RNLS: variants seen among roughly 807,000 people sequenced by gnomAD.
RNLS encodes renalase.
RNLS carries 39 observed loss-of-function variants against 39.8 expected under a neutral mutation model. The ratio of observed to expected loss-of-function variants is 0.98; its 90% CI spans 0.76 to 1.28. The LOEUF is 1.28. RNLS is among the 50% of genes most tolerant of loss of function. RNLS has a pLI of 0.00. For synonymous variants in RNLS, 147 were observed against 150.7 expected, an observed-to-expected ratio of 0.98 and a Z score of 0.18; for missense variants, 410 against 413.3, an observed-to-expected ratio of 0.99 and a Z score of 0.07.
At chr10:88,266,128 T>A in the RNLS span, among the ~76,000 whole-genome samples, 3,401 of 152,264 alleles carry the variant, frequency 0.022, 135 homozygotes, top group African/African-American at 0.078. Context: ...TTCTGAGTGC[T>A]TTTTTACCAG....
intron 5 of RNLS, among the ~76,000 whole-genome samples, chr10:88,361,638 T>A (rs1589648936): frequency 6.6e-6 from 1 of 152,198 alleles, no homozygotes; most frequent in Admixed American, 6.5e-5. Context: ...TCTAAGATCA[T>A]GAGCTCTGAT....
At position 88,509,524 on chromosome 10, in the gene RNLS, G is replaced by C. The variant is rs773672605; in HGVS notation, c.526+63379C>G. Reference sequence around the variant, plus strand: ...GAGGGGACAGGAGGGCGGGGGAGAAGGGCAGTTCTAATCTCAGTTCTGAAG... The same window carrying C: ...GAGGGGACAGGAGGGCGGGGGAGAACGGCAGTTCTAATCTCAGTTCTGAAG... On this transcript the variant is annotated intron_variant, in intron 4 of 6. Transcript: ENST00000331772. 3.7e-4 allele frequency among the ~76,000 whole-genome samples: 56 copies of C among 151,464 alleles called. 1 individual carries two copies. The highest frequency in any genetic ancestry group is 1.9e-4 in the East Asian group (1 of 5,148).
intron 4 of RNLS, among the ~76,000 whole-genome samples, chr10:88,518,968 CT>C (rs942759574): frequency 1.3e-5 from 2 of 152,000 alleles, no homozygotes; most frequent in Non-Finnish European, 2.9e-5. Context: ...AGTCCTTTAG[CT>C]TTTAGTTTCA....
At chr10:88,272,133 A>G (rs1290221522), downstream of RNLS, among the ~76,000 whole-genome samples, 1 of 152,162 alleles carries the variant, frequency 6.6e-6, no homozygotes, top group Non-Finnish European at 1.5e-5. Flanking sequence ...TTGGACTAAA[A>G]CAGAACTGTT....
At chr10:88,531,468 G>A (rs1022873773) in intron 4 of RNLS, among the ~76,000 whole-genome samples, 1 of 152,054 alleles carries the variant, frequency 6.6e-6, no homozygotes. Flanking sequence ...CTAGATAAAA[G>A]CTTTATAGAA....
chr10:88,540,484 A>G lies in RNLS; in HGVS notation c.526+32419T>C, dbSNP rs34748921. On this transcript the variant is annotated intron_variant, in intron 4 of 6. Coordinates refer to ENST00000331772, the MANE Select transcript of RNLS (RefSeq NM_001031709.3). Reference sequence around the variant, plus strand: ...GAGAATGCAGCTTAATCGGTTGACTATCTGAAAGCAAAGCAAATATTTTCC... The same window carrying G: ...GAGAATGCAGCTTAATCGGTTGACTGTCTGAAAGCAAAGCAAATATTTTCC... Among the ~76,000 whole-genome samples, 664 of 152,250 alleles carry G rather than the reference A, an allele frequency of 4.4e-3. 6 individuals carry two copies. Among genetic ancestry groups the G allele is most frequent in the Non-Finnish European group, 6.2e-3 (422 of 67,974 alleles).
At chr10:88,476,625 T>C (rs1166194963) in intron 4 of RNLS, among the ~76,000 whole-genome samples, 1 of 152,168 alleles carries the variant, frequency 6.6e-6, no homozygotes, top group African/African-American at 2.4e-5. Context: ...TTGTAATATT[T>C]CAAAGCAGAA....
chr10:88,567,919 A>G (rs973498364), intron 4 of RNLS, among the ~76,000 whole-genome samples: 1 of 152,170 alleles, frequency 6.6e-6, no homozygotes, highest in African/African-American at 2.4e-5. Context: ...ACCAAGGTCA[A>G]TGTTAGCTGT....
chr10:88,557,900 C>G (rs1848958785), intron 4 of RNLS, among the ~76,000 whole-genome samples: 1 of 152,110 alleles, frequency 6.6e-6, no homozygotes, highest in South Asian at 2.1e-4. Flanking sequence ...TTCATCTCAT[C>G]CCCATCTCTA....
chr10:88,190,296 C>T, the RNLS span, among the ~76,000 whole-genome samples: 1 of 152,224 alleles, frequency 6.6e-6, no homozygotes, highest in African/African-American at 2.4e-5. Context: ...CTGATCTTGG[C>T]GACCTGCCTG....
At chr10:88,512,619 C>T (rs1846192203) in intron 4 of RNLS, among the ~76,000 whole-genome samples, 1 of 152,066 alleles carries the variant, frequency 6.6e-6, no homozygotes, top group African/African-American at 2.4e-5. Context: ...AGACAGAGTA[C>T]ACATTTCATA....
the RNLS span, among the ~76,000 whole-genome samples, chr10:88,190,322 T>G: frequency 6.6e-6 from 1 of 152,208 alleles, no homozygotes; most frequent in East Asian, 1.9e-4. Context: ...TTGAGCCACA[T>G]TTGAATCCTT....
the RNLS span, among the ~76,000 whole-genome samples, chr10:88,249,184 T>C: frequency 6.6e-6 from 1 of 152,194 alleles, no homozygotes; most frequent in East Asian, 1.9e-4. Context: ...TTGGATGGTA[T>C]CTTAAGCCCC....
At chr10:88,488,546 CAAAAA>C (rs3033822) in intron 4 of RNLS, among the ~76,000 whole-genome samples, 1 of 79,032 alleles carries the variant, frequency 1.3e-5, no homozygotes, top group Non-Finnish European at 2.3e-5. Context: ...AACTCCGTCT[CAAAAA>C]AAAAAAAAAA....
intron 5 of RNLS, among the ~76,000 whole-genome samples, chr10:88,321,290 T>C (rs1339764451): frequency 4.6e-5 from 7 of 152,146 alleles, no homozygotes; most frequent in African/African-American, 4.8e-5. Flanking sequence ...ATCCCTGGGA[T>C]ACAGCAAAAG....
downstream of RNLS, among the ~76,000 whole-genome samples, chr10:88,269,242 C>T (rs563056059): frequency 2.0e-5 from 3 of 152,200 alleles, no homozygotes; most frequent in South Asian, 4.2e-4. Flanking sequence ...ATACACAGGG[C>T]CCTGGTTTGG....
chr10:88,276,086 A>G (rs935925706), intron 6 of RNLS, among the ~76,000 whole-genome samples: 14 of 152,156 alleles, frequency 9.2e-5, no homozygotes, highest in Non-Finnish European at 1.8e-4. Flanking sequence ...AAACATGCGA[A>G]TAATAAAAAA....
chr10:88,443,990 G>C (rs1841886668), intron 4 of RNLS, among the ~76,000 whole-genome samples: 1 of 152,218 alleles, frequency 6.6e-6, no homozygotes, highest in African/African-American at 2.4e-5. Context: ...TCCCAGAATG[G>C]AGTTTGAGAT....
At chr10:88,461,384 C>A (rs927206037) in intron 4 of RNLS, among the ~76,000 whole-genome samples, 3 of 152,080 alleles carry the variant, frequency 2.0e-5, no homozygotes, top group African/African-American at 7.2e-5. Context: ...TAAAGTCCAC[C>A]AAATTTAAAG....
Sources: gnomAD v4.1 joint callset for allele counts (sites outside exome capture counted in the v4.1 genomes callset) on GRCh38, gnomAD v4.1.1 for gene constraint, MANE v1.5 for transcripts, NCBI Gene and HGNC (gene_info 2026-07-23, HGNC 2026-07-21) for gene names.